Variants in WWOX observed in about 807,000 individuals in gnomAD.
WWOX encodes the protein WW domain containing oxidoreductase, also known as WW domain-containing oxidoreductase.
WWOX carries 69 observed loss-of-function variants against 46.2 expected under a neutral mutation model. The observed-to-expected ratio is 1.49, with a 90% CI of 1.23 to 1.82. The LOEUF (loss-of-function observed/expected upper bound fraction) is 1.82. Ranked by LOEUF, WWOX falls within the 40% of genes most tolerant of loss-of-function variation. WWOX has a pLI of 0.00. For missense variants in WWOX, 919 were observed against 542.6 expected (o/e 1.69, Z -6.89); for synonymous variants, 359 against 202.6 (o/e 1.77, Z -6.56).
intron 8 of WWOX, among the ~76,000 whole-genome samples, chr16:78,603,010 C>T (rs1038324339): frequency 6.6e-6 from 1 of 152,240 alleles, no homozygotes; most frequent in African/African-American, 2.4e-5. Context: ...AATACTCCAC[C>T]TTGCCAGTAT....
intron 8 of WWOX, among the ~76,000 whole-genome samples, chr16:79,099,938 C>T (rs985674382): frequency 3.9e-5 from 6 of 152,152 alleles, no homozygotes; most frequent in South Asian, 2.1e-4. Flanking sequence ...AGTGGGCAGT[C>T]GAGAGAGGCA....
At chr16:78,521,149 C>G (rs547635979) in intron 8 of WWOX, among the ~76,000 whole-genome samples, 1 of 152,176 alleles carries the variant, frequency 6.6e-6, no homozygotes, top group South Asian at 2.1e-4. Context: ...TAACTTAATT[C>G]TTCATTCCAG....
intron 8 of WWOX, among the ~76,000 whole-genome samples, chr16:78,546,063 T>C (rs1366263839): frequency 1.3e-5 from 2 of 152,220 alleles, no homozygotes; most frequent in African/African-American, 2.4e-5. Flanking sequence ...AGGAATGTTA[T>C]GGTGGATAAG....
intron 5 of WWOX, among the ~76,000 whole-genome samples, chr16:78,334,793 C>T (rs2080840903): frequency 1.6e-5 from 1 of 61,280 alleles, no homozygotes; most frequent in Admixed American, 1.8e-4. Context: ...GTCTCCCCTC[C>T]ACACACACAC....
intron 8 of WWOX, among the ~76,000 whole-genome samples, chr16:78,711,405 A>G (rs904492667): frequency 1.3e-5 from 2 of 152,172 alleles, no homozygotes; most frequent in African/African-American, 4.8e-5. Flanking sequence ...TTTGGAGGGA[A>G]CTTGAAGACT....
At chr16:79,013,081 A>G (rs1236184457) in intron 8 of WWOX, among the ~76,000 whole-genome samples, 2 of 152,130 alleles carry the variant, frequency 1.3e-5, no homozygotes, top group African/African-American at 4.8e-5. Context: ...AAAAAAAGGA[A>G]ATGCTACCAG....
intron 8 of WWOX, among the ~76,000 whole-genome samples, chr16:78,585,691 T>TG (rs1201395845): frequency 2.1e-4 from 31 of 151,042 alleles, no homozygotes; most frequent in African/African-American, 7.3e-4. Flanking sequence ...TTTTTTGTTT[T>TG]TTTTTGTTTT....
chr16:78,209,519 A>G (rs1023970578), intron 5 of WWOX, among the ~76,000 whole-genome samples: 1 of 152,214 alleles, frequency 6.6e-6, no homozygotes, highest in African/African-American at 2.4e-5. Context: ...CTTGACTCAT[A>G]GCAAGCTCAT....
At chr16:79,100,457 C>T (rs2049168898) in intron 8 of WWOX, among the ~76,000 whole-genome samples, 1 of 152,090 alleles carries the variant, frequency 6.6e-6, no homozygotes, top group South Asian at 2.1e-4. Context: ...TAATAAACAG[C>T]AAACGGGCCC....
chr16:78,577,648 A>G (rs1173044804), intron 8 of WWOX, among the ~76,000 whole-genome samples: 3 of 152,224 alleles, frequency 2.0e-5, no homozygotes, highest in African/African-American at 4.8e-5. Flanking sequence ...GATTACATAC[A>G]TTCATCATTT....
chr16:78,242,025 T>C (rs1467044403), intron 5 of WWOX, among the ~76,000 whole-genome samples: 1 of 152,196 alleles, frequency 6.6e-6, no homozygotes, highest in Non-Finnish European at 1.5e-5. Context: ...CCTGTCATTG[T>C]TGACTGAAAA....
At chr16:78,826,208 A>G (rs2051652353) in intron 8 of WWOX, among the ~76,000 whole-genome samples, 2 of 152,196 alleles carry the variant, frequency 1.3e-5, no homozygotes, top group African/African-American at 4.8e-5. Flanking sequence ...TACAAAGATT[A>G]GCCTGGCGTG....
chr16:78,747,545 G>A (rs1292517740), intron 8 of WWOX, among the ~76,000 whole-genome samples: 4 of 152,144 alleles, frequency 2.6e-5, no homozygotes, highest in African/African-American at 4.8e-5. Context: ...GTAATGTTCA[G>A]ATGAGGAAAC....
chr16:78,825,121 A>G (rs1005447739), intron 8 of WWOX, among the ~76,000 whole-genome samples: 1 of 152,096 alleles, frequency 6.6e-6, no homozygotes, highest in African/African-American at 2.4e-5. Flanking sequence ...GGGGAGGTCA[A>G]GTGAGTTTCA....
chr16:79,046,933 C>A (rs1401259123), intron 8 of WWOX, among the ~76,000 whole-genome samples: 1 of 152,162 alleles, frequency 6.6e-6, no homozygotes, highest in African/African-American at 2.4e-5. Context: ...CAACTCACAA[C>A]TCATTATCTC....
At chr16:78,834,592 C>G (rs529804995) in intron 8 of WWOX, among the ~76,000 whole-genome samples, 1 of 152,276 alleles carries the variant, frequency 6.6e-6, no homozygotes, top group Non-Finnish European at 1.5e-5. Flanking sequence ...TGCCGATGAT[C>G]AGAAAGTACA....
At chr16:78,178,702 A>G (rs1240356345) in intron 5 of WWOX, among the ~76,000 whole-genome samples, 2 of 152,046 alleles carry the variant, frequency 1.3e-5, no homozygotes, top group Non-Finnish European at 2.9e-5. Context: ...TGTGTCTACT[A>G]AAAATACAAA....
chr16:79,162,983 G>T (rs903006709), intron 8 of WWOX, among the ~76,000 whole-genome samples: 2 of 152,224 alleles, frequency 1.3e-5, no homozygotes, highest in African/African-American at 2.4e-5. Flanking sequence ...GATAGATTTA[G>T]TTATTGCTTA....
chr16:78,121,052 T>C (rs1221958146), intron 4 of WWOX, among the ~76,000 whole-genome samples: 1 of 152,142 alleles, frequency 6.6e-6, no homozygotes, highest in Non-Finnish European at 1.5e-5. Flanking sequence ...ATTTAGTCAT[T>C]TTCATGGGTA....
Sources: allele counts gnomAD v4.1 joint callset (sites outside exome capture counted in the v4.1 genomes callset), GRCh38; gene constraint gnomAD v4.1.1; transcripts MANE v1.5; gene names NCBI Gene and HGNC (gene_info 2026-07-23, HGNC 2026-07-21).